The following PDE10A variants were observed in gnomAD, a reference collection of about 807,000 sequenced individuals.
PDE10A encodes the protein phosphodiesterase 10A.
A neutral mutation model predicts 97.7 loss-of-function variants in PDE10A; 39 were observed. The observed-to-expected ratio is 0.40, with a 90% CI of 0.31 to 0.52. The LOEUF (loss-of-function observed/expected upper bound fraction) is 0.52. Ranked by LOEUF, PDE10A falls within the 20% of genes least tolerant of loss-of-function variation. The pLI is 0.56. For synonymous variants in PDE10A, 371 were observed against 376.8 expected (o/e 0.98, Z 0.18); for missense variants, 731 against 1,047.8 (o/e 0.70, Z 4.17).
At chr6:165,706,491 T>A (rs1791712124) in intron 1 of PDE10A, among the ~76,000 whole-genome samples, 1 of 152,202 alleles carries the variant, frequency 6.6e-6, no homozygotes, top group South Asian at 2.1e-4. Context: ...TTTCTGATCC[T>A]TCATAGCTAA....
intron 1 of PDE10A, among the ~76,000 whole-genome samples, chr6:165,807,342 A>G (rs759014133): frequency 9.9e-5 from 15 of 152,108 alleles, no homozygotes; most frequent in Non-Finnish European, 2.1e-4. Flanking sequence ...ATAGAAGGCA[A>G]TCACTTTTGT....
At chr6:165,695,219 A>AG (rs918364304) in intron 1 of PDE10A, among the ~76,000 whole-genome samples, 3 of 151,958 alleles carry the variant, frequency 2.0e-5, no homozygotes, top group African/African-American at 7.2e-5. Flanking sequence ...CAAAAAAAAA[A>AG]AAAAGAAAGA....
intron 1 of PDE10A, among the ~76,000 whole-genome samples, chr6:165,965,442 C>T (rs1029992263): frequency 1.3e-5 from 2 of 152,036 alleles, no homozygotes. Flanking sequence ...CACGGGAATA[C>T]GGAGCTGAGG....
At chr6:165,612,347 A>G (rs968640361) in intron 1 of PDE10A, among the ~76,000 whole-genome samples, 3 of 152,046 alleles carry the variant, frequency 2.0e-5, no homozygotes, top group African/African-American at 4.8e-5. Context: ...CAGTCCTCAC[A>G]TTAGAAAATG....
At chr6:165,553,232 A>AG (rs1487942124) in intron 1 of PDE10A, among the ~76,000 whole-genome samples, 4 of 151,820 alleles carry the variant, frequency 2.6e-5, no homozygotes, top group Non-Finnish European at 5.9e-5. Context: ...TTTGGGGAGG[A>AG]GGGGGGTGTC....
At chr6:165,360,309 G>A (rs1354250117) in intron 18 of PDE10A, among the ~76,000 whole-genome samples, 1 of 152,264 alleles carries the variant, frequency 6.6e-6, no homozygotes, top group East Asian at 1.9e-4. Context: ...CCCGTGAGGA[G>A]CTTCTGCAGA....
chr6:165,847,359 G>T (rs1289666248), intron 1 of PDE10A, among the ~76,000 whole-genome samples: 1 of 152,244 alleles, frequency 6.6e-6, no homozygotes, highest in East Asian at 1.9e-4. Flanking sequence ...GTTACTGAAA[G>T]TTGATGGCTT....
At chr6:165,413,799 T>C (rs1188075849) in intron 12 of PDE10A, 112 bp from the exon 13 acceptor site, 10 of 760,998 alleles carry the variant, frequency 1.3e-5, no homozygotes, top group Non-Finnish European at 1.9e-5. Flanking sequence ...TATGCTTCTA[T>C]TGCATATGAC....
chr6:165,339,391 C>G (rs1416629521), intron 19 of PDE10A, 33 bp from the exon 20 acceptor site: 6 of 1,194,818 alleles, frequency 5.0e-6, no homozygotes, highest in Non-Finnish European at 7.5e-6. Context: ...CATGCTTTCT[C>G]AAATTTCAAA....
At chr6:165,713,359 G>C (rs1791949036) in intron 1 of PDE10A, among the ~76,000 whole-genome samples, 1 of 152,232 alleles carries the variant, frequency 6.6e-6, no homozygotes, top group Non-Finnish European at 1.5e-5. Context: ...AGTGACCAGT[G>C]ACTAGGAGAA....
intron 18 of PDE10A, among the ~76,000 whole-genome samples, chr6:165,360,096 G>A (rs1783305280): frequency 6.6e-6 from 1 of 152,158 alleles, no homozygotes; most frequent in Non-Finnish European, 1.5e-5. Context: ...CCATACCCAC[G>A]ATATGGCTTT....
rs1167155059 is a variant in PDE10A at position 165,388,527 on chromosome 6, A to T, written c.2455-74T>A. ...ATGAGCAGACTTACCGCTTACATTC[A>T]TGTCACATTACTTTCTGGCATTAAT... On this transcript the variant is annotated intron_variant, in intron 16 of 21. Coordinates refer to ENST00000539869, the MANE Select transcript of PDE10A (RefSeq NM_001385079.1). The surrounding 1 kb of genome is among the most constrained non-coding windows in gnomAD (Gnocchi z 4.0). 6 of 1,336,104 alleles carry T rather than the reference A, an allele frequency of 4.5e-6. No individual in the cohort carries two copies. The highest frequency in any genetic ancestry group is 2.1e-6 in the Non-Finnish European group (2 of 936,614). The allele number at this position is 1,336,104 out of a possible 1,614,324, so 82.8% of individuals were successfully genotyped here.
chr6:165,774,791 G>T (rs1778122389), intron 1 of PDE10A: 1 of 148,392 alleles, frequency 6.7e-6, no homozygotes, highest in Non-Finnish European at 1.5e-5. Context: ...CCTCATTCTG[G>T]GTGGCTGGAA....
intron 1 of PDE10A, among the ~76,000 whole-genome samples, chr6:165,897,219 C>T (rs1280663383): frequency 2.0e-5 from 3 of 152,156 alleles, no homozygotes; most frequent in Non-Finnish European, 4.4e-5. Context: ...GAAACAGTGG[C>T]CACATGGCTA....
intron 1 of PDE10A, among the ~76,000 whole-genome samples, chr6:165,931,258 C>G (rs1783124260): frequency 6.6e-6 from 1 of 152,184 alleles, no homozygotes; most frequent in African/African-American, 2.4e-5. Context: ...TGGCTGCAGT[C>G]ATTATTATTT....
At chr6:165,465,483 A>T (rs1432299041) in intron 3 of PDE10A, among the ~76,000 whole-genome samples, 1 of 152,218 alleles carries the variant, frequency 6.6e-6, no homozygotes, top group Non-Finnish European at 1.5e-5. Flanking sequence ...AGCTGTTTCA[A>T]AGGATTACAA....
At chr6:165,815,103 G>T (rs1462828411) in intron 1 of PDE10A, among the ~76,000 whole-genome samples, 2 of 152,206 alleles carry the variant, frequency 1.3e-5, no homozygotes, top group African/African-American at 2.4e-5. Flanking sequence ...GTTACTTGCA[G>T]AAATAGATGA....
chr6:165,765,807 T>C (rs1436934785), intron 1 of PDE10A, among the ~76,000 whole-genome samples: 3 of 152,198 alleles, frequency 2.0e-5, no homozygotes, highest in Non-Finnish European at 2.9e-5. Context: ...GCACCCAGAG[T>C]GAGCGAGGGC....
chr6:165,676,296 G>T (rs1049457033), intron 1 of PDE10A, among the ~76,000 whole-genome samples: 4 of 152,150 alleles, frequency 2.6e-5, no homozygotes, highest in Non-Finnish European at 5.9e-5. Context: ...CACGATTTGG[G>T]CAATGGCCAC....
Sources: allele counts gnomAD v4.1 joint callset (sites outside exome capture counted in the v4.1 genomes callset), GRCh38; gene constraint gnomAD v4.1.1; non-coding constraint Gnocchi (gnomAD v3.1); transcripts MANE v1.5; gene names NCBI Gene and HGNC (gene_info 2026-07-23, HGNC 2026-07-21).